RTN1: variants seen among roughly 807,000 people sequenced by gnomAD.
The protein encoded by RTN1 is reticulon 1.
RTN1 carries 25 observed loss-of-function variants against 65.5 expected under a neutral mutation model. That is an observed-to-expected ratio of 0.38 (90% confidence interval 0.28 to 0.53). The LOEUF is 0.53. Among genes scored for constraint, RTN1 ranks in the 20% least tolerant of loss-of-function variants. The pLI, the probability that RTN1 is intolerant of heterozygous loss-of-function variation, is 0.79. For missense variants in RTN1, 983 were observed against 1,025.4 expected (o/e 0.96, Z 0.57); for synonymous variants, 471 against 447.6 (o/e 1.05, Z -0.66).
intron 1 of RTN1, among the ~76,000 whole-genome samples, chr14:59,811,955 G>T (rs77437222): frequency 0.012 from 1,834 of 152,248 alleles, 34 homozygotes; most frequent in African/African-American, 0.041. Flanking sequence ...TCTTTAGTTA[G>T]GAAGGAGGAA....
intron 3 of RTN1, among the ~76,000 whole-genome samples, chr14:59,691,126 C>G (rs1883952135): frequency 6.6e-6 from 1 of 151,960 alleles, no homozygotes; most frequent in African/African-American, 2.4e-5. Context: ...AAAATCCATG[C>G]AAACCTAACA....
rs945148274 is a variant in RTN1, at chr14:59,825,144, G to A, written c.241+45246C>T. Among the ~76,000 whole-genome samples, 1 of 152,218 alleles carries A rather than the reference G, an allele frequency of 6.6e-6. No individual in the cohort carries two copies. Among genetic ancestry groups the A allele is most frequent in the African/African-American group, 2.4e-5 (1 of 41,464 alleles). On this transcript the variant is annotated intron_variant, in intron 1 of 8. Coordinates refer to ENST00000267484, the MANE Select transcript of RTN1 (RefSeq NM_021136.3). This position sits in a 1 kb window ranked among gnomAD's most constrained non-coding sequence, Gnocchi z 4.2. The stretch of plus-strand genomic sequence containing the variant: ...GTTCTAGAGAGCTGTCCTGTGCATT[G>A]TAGAATCTTTACCAACATCCCTAGC...
At chr14:59,761,111 T>A (rs1885739504) in intron 1 of RTN1, among the ~76,000 whole-genome samples, 1 of 152,240 alleles carries the variant, frequency 6.6e-6, no homozygotes, top group African/African-American at 2.4e-5. Context: ...TTTTTAAACA[T>A]CTGCATCATT....
intron 3 of RTN1, among the ~76,000 whole-genome samples, chr14:59,614,315 C>A (rs1882045290): frequency 1.3e-5 from 2 of 152,164 alleles, no homozygotes; most frequent in Admixed American, 6.5e-5. Flanking sequence ...CCTGGCCCTG[C>A]TCCTCCAAGG....
In RTN1 at chr14:59,746,236, T is replaced by G. The variant is rs753268751; in HGVS notation, c.487A>C (p.Ser163Arg). The stretch of plus-strand genomic sequence containing the variant: ...GTCATCTCTATTCCAGAATCAGAAC[T>G]AAATAAGCCACGAGACTCTATCCCA... ...VPGIESRGLF[S>R]SDSGIEMTPA... Residue 163 changes from serine (S) to arginine (R), a missense_variant, in exon 2 of 9, where the codon AGT becomes CGT. Coordinates refer to ENST00000267484, the MANE Select transcript of RTN1 (RefSeq NM_021136.3). 1.4e-5 allele frequency: 22 copies of G among 1,612,910 alleles called. No individual in the cohort carries two copies. The South Asian group carries it at 2.2e-4, about 16-fold the overall frequency.
rs1881386334 is a variant in RTN1, at chr14:59,596,099, T to C, written c.*646A>G. On this transcript the variant is annotated 3_prime_UTR_variant, in exon 9 of 9. Transcript: ENST00000267484. The stretch of plus-strand genomic sequence containing the variant: ...GAAAGTAATACAAATTGTAATAAAG[T>C]TAACATGCTGGTACTTTTTAGTAAC... The C allele has an allele frequency of 6.5e-6, 1 of 152,692 alleles. No individual in the cohort carries two copies. The highest frequency in any genetic ancestry group is 1.5e-5 in the Non-Finnish European group (1 of 68,052). 9.5% of individuals were successfully genotyped at this position (152,692 alleles called of 1,614,324 possible).
intron 1 of RTN1, among the ~76,000 whole-genome samples, chr14:59,842,051 G>A (rs945099299): frequency 5.3e-5 from 8 of 151,292 alleles, no homozygotes; most frequent in African/African-American, 1.7e-4. Context: ...GCTTGAACCC[G>A]GGAGGTGGAG....
chr14:59,749,148 ATCTATCTATATCTATC>A lies in RTN1; in HGVS notation c.242-2683_242-2668del, dbSNP rs1566710904. On this transcript the variant is annotated intron_variant, in intron 1 of 8. Transcript: ENST00000267484. ...TAGATATATCTATATCTATCTATCT[ATCTATCTATATCTATC>A]TATATATCTATCTATATATCTATCT... Among the ~76,000 whole-genome samples, 448 of 111,764 alleles carry A rather than the reference ATCTATCTATATCTATC, an allele frequency of 4.0e-3. 65 individuals are homozygous for A. The highest frequency in any genetic ancestry group is 0.019 in the African/African-American group (429 of 23,028). The allele number at this position is 111,764 out of a possible 152,430, so 73.3% of individuals were successfully genotyped here. A position where few individuals can be genotyped will look rare whatever the true frequency, so the allele number is the denominator to read the frequency against.
chr14:59,690,278 T>C (rs1486503375), intron 3 of RTN1, among the ~76,000 whole-genome samples: 1 of 149,722 alleles, frequency 6.7e-6, no homozygotes, highest in African/African-American at 2.5e-5. Flanking sequence ...AGATCTATCA[T>C]GCAAAAGGAA....
intron 1 of RTN1, among the ~76,000 whole-genome samples, chr14:59,750,448 CTATAATATATA>C (rs1885471666): frequency 5.9e-5 from 3 of 51,226 alleles, no homozygotes; most frequent in African/African-American, 2.3e-4. Context: ...TATAATATAT[CTATAATATATA>C]TATCTATAAT....
intron 1 of RTN1, among the ~76,000 whole-genome samples, chr14:59,869,468 T>A (rs1207029519): frequency 6.6e-6 from 1 of 151,230 alleles, no homozygotes; most frequent in Non-Finnish European, 1.5e-5. Flanking sequence ...GCTTCCTGGA[T>A]CCTTTGACCA....
At chr14:59,674,254 A>G (rs1883572810) in intron 3 of RTN1, among the ~76,000 whole-genome samples, 1 of 152,212 alleles carries the variant, frequency 6.6e-6, no homozygotes, top group Non-Finnish European at 1.5e-5. Context: ...AGCTACCGAT[A>G]TGGGTGGTCT....
intron 1 of RTN1, among the ~76,000 whole-genome samples, chr14:59,786,462 T>C (rs888144394): frequency 2.0e-5 from 3 of 152,074 alleles, no homozygotes; most frequent in African/African-American, 7.2e-5. Context: ...TTATACTGAA[T>C]ATAAAGTACC....
At chr14:59,730,644 T>C (rs1386366258) in intron 2 of RTN1, among the ~76,000 whole-genome samples, 3 of 152,144 alleles carry the variant, frequency 2.0e-5, no homozygotes, top group Non-Finnish European at 4.4e-5. Flanking sequence ...TGACAAACTA[T>C]TACGACTCAA....
At chr14:59,832,746 G>A (rs915215865) in intron 1 of RTN1, among the ~76,000 whole-genome samples, 1 of 152,186 alleles carries the variant, frequency 6.6e-6, no homozygotes, top group Non-Finnish European at 1.5e-5. Context: ...CATACACAGA[G>A]ATGCTATGGT....
At chr14:59,618,895 A>C (rs1438114877) in intron 3 of RTN1, among the ~76,000 whole-genome samples, 1 of 152,254 alleles carries the variant, frequency 6.6e-6, no homozygotes, top group Admixed American at 6.5e-5. Context: ...GGAATGAAGA[A>C]ATCATAAAAT....
At chr14:59,753,577 A>G (rs958002221) in intron 1 of RTN1, among the ~76,000 whole-genome samples, 2 of 152,226 alleles carry the variant, frequency 1.3e-5, no homozygotes, top group African/African-American at 4.8e-5. Context: ...CATGCATGAT[A>G]TGGTGCCTAT....
intron 3 of RTN1, among the ~76,000 whole-genome samples, chr14:59,675,555 A>C (rs10131804): frequency 0.042 from 2,857 of 68,810 alleles, 100 homozygotes; most frequent in African/African-American, 0.14. Context: ...AAAAATAAAT[A>C]ATTTAATAAT....
At chr14:59,690,913 C>T (rs1025029241) in intron 3 of RTN1, among the ~76,000 whole-genome samples, 4 of 151,912 alleles carry the variant, frequency 2.6e-5, no homozygotes, top group Non-Finnish European at 5.9e-5. Context: ...ACACAGCATA[C>T]CAAAATTTGT....
Sources: allele counts gnomAD v4.1 joint callset (sites outside exome capture counted in the v4.1 genomes callset), GRCh38; gene constraint gnomAD v4.1.1; non-coding constraint Gnocchi (gnomAD v3.1); transcripts MANE v1.5; gene names NCBI Gene and HGNC (gene_info 2026-07-23, HGNC 2026-07-21).